Variants in JAKMIP3 observed in about 807,000 individuals in gnomAD.
The protein encoded by JAKMIP3 is Janus kinase and microtubule interacting protein 3, also known as janus kinase and microtubule-interacting protein 3.
JAKMIP3 carries 58 observed loss-of-function variants against 118.5 expected under a neutral mutation model. That is an observed-to-expected ratio of 0.49 (90% CI 0.40 to 0.61). The LOEUF is 0.61. Ranked by LOEUF, JAKMIP3 falls within the 20% of genes least tolerant of loss-of-function variation. The pLI is 0.00. For missense variants in JAKMIP3, 950 were observed against 1,109.0 expected, an observed-to-expected ratio of 0.86 and a Z score of 2.04; for synonymous variants, 486 against 451.2, an observed-to-expected ratio of 1.08 and a Z score of -0.98.
intron 1 of JAKMIP3, among the ~76,000 whole-genome samples, chr10:132,045,142 G>A (rs1392404311): frequency 4.6e-5 from 7 of 152,078 alleles, no homozygotes; most frequent in Non-Finnish European, 1.0e-4. Flanking sequence ...CACCAGCCGT[G>A]CACGAGCGTT....
intron 17 of JAKMIP3, 126 bp downstream of exon 17, chr10:132,153,149 C>A (rs1404315357): frequency 1.4e-6 from 1 of 707,886 alleles, no homozygotes; most frequent in Non-Finnish European, 2.5e-6. Context: ...TCCACTAAGC[C>A]CCGTCTGCCC....
At chr10:132,153,505 C>T (rs1000824291) in intron 17 of JAKMIP3, among the ~76,000 whole-genome samples, 7 of 151,562 alleles carry the variant, frequency 4.6e-5, no homozygotes, top group East Asian at 2.0e-4. Context: ...GTCTCTCCTA[C>T]GGTGCCCCAA....
intron 2 of JAKMIP3, among the ~76,000 whole-genome samples, chr10:132,109,652 T>C (rs1742079250): frequency 6.6e-6 from 1 of 152,132 alleles, no homozygotes; most frequent in African/African-American, 2.4e-5. Context: ...CACCTGGGCT[T>C]TCTCCTCTCC....
chr10:132,156,042 G>GT (rs2136277797), intron 19 of JAKMIP3, among the ~76,000 whole-genome samples: 1 of 152,288 alleles, frequency 6.6e-6, no homozygotes, highest in Admixed American at 6.5e-5. Context: ...CTGGAAGTAG[G>GT]TGGTCACTTG....
chr10:132,090,467 G>A (rs1017890996), intron 1 of JAKMIP3, among the ~76,000 whole-genome samples: 35 of 152,154 alleles, frequency 2.3e-4, no homozygotes, highest in Admixed American at 1.8e-3. Flanking sequence ...GAATTCATCC[G>A]TTTCTTCTAG....
At position 132,049,106 on chromosome 10, in the gene JAKMIP3, CCTTGAGGATTTTAT is replaced by C; in HGVS notation, c.-138+12372_-138+12385del. Reference sequence around the variant, plus strand: ...GTTAATTGACCTTTTTGCCTGGAAGCCTTGAGGATTTTATCTTTAGCTCTGAAATGGAATAGTTT... The same window carrying C: ...GTTAATTGACCTTTTTGCCTGGAAGCCTTTAGCTCTGAAATGGAATAGTTT... On this transcript the variant is annotated intron_variant, in intron 1 of 23. Coordinates refer to the JAKMIP3 transcript ENST00000657785. The surrounding 1 kb of genome is among the most constrained non-coding windows in gnomAD (Gnocchi z 4.3). 6.6e-6 allele frequency among the ~76,000 whole-genome samples: 1 copy of C among 152,144 alleles called. No homozygotes were observed. Among genetic ancestry groups the C allele is most frequent in the Non-Finnish European group, 1.5e-5 (1 of 68,032 alleles).
In JAKMIP3 at chr10:132,105,886, C is replaced by T. The variant is rs182317201; in HGVS notation, c.135+943C>T. Among the ~76,000 whole-genome samples, 937 of 149,820 alleles carry T rather than the reference C, an allele frequency of 6.3e-3. 4 individuals are homozygous for T. The highest frequency in any genetic ancestry group is 9.3e-3 in the Non-Finnish European group (625 of 67,340). On this transcript the variant is annotated intron_variant, in intron 2 of 23. Transcript: ENST00000684848. Reference sequence around the variant, plus strand: ...CCCATCAAAGGCATCTCTCTTGGGACCTGCATGGTCTGGCGGTGGAGGGGA... The same window carrying T: ...CCCATCAAAGGCATCTCTCTTGGGATCTGCATGGTCTGGCGGTGGAGGGGA...
chr10:132,180,893 ATG>A (rs1278465787), intron 23 of JAKMIP3, among the ~76,000 whole-genome samples: 8 of 151,644 alleles, frequency 5.3e-5, no homozygotes, highest in African/African-American at 1.7e-4. Flanking sequence ...ATGTATGTGT[ATG>A]TGTTGTGCAT....
Position 132,117,355 on chromosome 10 carries a change from G to A in JAKMIP3, c.414G>A (p.Glu138=), listed in dbSNP as rs760600589. 3 of 1,614,020 alleles carry A rather than the reference G, an allele frequency of 1.9e-6. No homozygotes were observed. Among genetic ancestry groups the A allele is most frequent in the Non-Finnish European group, 1.7e-6 (2 of 1,179,902 alleles). Residue 138 remains glutamate (E), a synonymous_variant, in exon 3 of 24, where the codon GAG becomes GAA. Transcript: ENST00000684848. This position sits in a 1 kb window ranked among gnomAD's most constrained non-coding sequence, Gnocchi z 8.6. ...AGGTCAAGACCGTGCTGCTGTCCGAGGCCAAGGAGGAGGCCAAGAAGGGGT... is the reference window on the plus strand; with the variant it reads ...AGGTCAAGACCGTGCTGCTGTCCGAAGCCAAGGAGGAGGCCAAGAAGGGGT... ...PEKVKTVLLS[E]AKEEAKKGFE...
chr10:132,136,137 T>G, intron 6 of JAKMIP3, 61 bp downstream of exon 6: 7 of 1,560,078 alleles, frequency 4.5e-6, no homozygotes, highest in Non-Finnish European at 6.1e-6. Flanking sequence ...CAGCATCTCC[T>G]CCCTTCTCCA....
chr10:132,117,346 G>A lies in JAKMIP3; in HGVS notation c.405G>A (p.Leu135=), dbSNP rs2047845124. ...GCCCCGAAAAGGTCAAGACCGTGCT[G>A]CTGTCCGAGGCCAAGGAGGAGGCCA... ...DGGPEKVKTV[L]LSEAKEEAKK... Residue 135 remains leucine, a synonymous_variant, in exon 3 of 24, where the codon CTG becomes CTA. Coordinates refer to ENST00000684848, the MANE Select transcript of JAKMIP3 (RefSeq NM_001323087.2). This position sits in a 1 kb window ranked among gnomAD's most constrained non-coding sequence, Gnocchi z 8.6. The A allele has an allele frequency of 6.2e-7, 1 of 1,613,864 alleles. No individual in the cohort carries two copies. The highest frequency in any genetic ancestry group is 1.3e-5 in the African/African-American group (1 of 74,930).
intron 1 of JAKMIP3, among the ~76,000 whole-genome samples, chr10:132,042,368 C>T (rs1413492879): frequency 6.6e-6 from 1 of 152,134 alleles, no homozygotes; most frequent in Non-Finnish European, 1.5e-5. Flanking sequence ...TGCACCACCA[C>T]GCCTGGCTAA....
intron 13 of JAKMIP3, among the ~76,000 whole-genome samples, chr10:132,146,072 G>T (rs1209206510): frequency 2.6e-5 from 4 of 152,136 alleles, no homozygotes; most frequent in Non-Finnish European, 4.4e-5. Flanking sequence ...CACCTGGCAG[G>T]CCCAGGTCCA....
chr10:132,157,697 C>T (rs2057263188), intron 19 of JAKMIP3, among the ~76,000 whole-genome samples: 1 of 152,210 alleles, frequency 6.6e-6, no homozygotes, highest in Non-Finnish European at 1.5e-5. Flanking sequence ...TGTTTGTAAC[C>T]TTTCCCACCT....
rs1378268540 is a variant in JAKMIP3 at position 132,112,403 on chromosome 10, G to A, written c.136-4674G>A. ...GGAAGCCCAGAGAGGGCAGCGAGGA[G>A]GCCATACTCTTGGACTTCACCCACC... On this transcript the variant is annotated intron_variant, in intron 2 of 23. Coordinates refer to ENST00000684848, the MANE Select transcript of JAKMIP3 (RefSeq NM_001323087.2). This position sits in a 1 kb window ranked among gnomAD's most constrained non-coding sequence, Gnocchi z 4.3. Among the ~76,000 whole-genome samples the A allele has an allele frequency of 6.6e-6, 1 of 152,186 alleles. No homozygotes were observed. Among genetic ancestry groups the A allele is most frequent in the Non-Finnish European group, 1.5e-5 (1 of 68,032 alleles).
intron 19 of JAKMIP3, 68 bp from the exon 20 acceptor site, chr10:132,163,141 G>C (rs138786480): frequency 6.9e-7 from 1 of 1,454,632 alleles, no homozygotes; most frequent in East Asian, 2.5e-5. Context: ...CCCGGCCTCC[G>C]TTGCCCTTCC....
chr10:132,042,507 G>A (rs753322332), intron 1 of JAKMIP3, among the ~76,000 whole-genome samples: 33 of 152,172 alleles, frequency 2.2e-4, no homozygotes, highest in Non-Finnish European at 4.4e-4. Flanking sequence ...GGCGCCTGCT[G>A]TGTTTCTCTT....
intron 23 of JAKMIP3, among the ~76,000 whole-genome samples, chr10:132,180,788 T>TGTGTGTGTGCGTGTGCGTGTGTGCGTGC: frequency 9.3e-5 from 1 of 10,730 alleles, no homozygotes; most frequent in South Asian, 3.5e-3. Flanking sequence ...TGTGTGCGCG[T>TGTGTGTGTGCGTGTGCGTGTGTGCGTGC]ATGCATGTGC....
chr10:132,106,181 TGG>T (rs1218257497), intron 2 of JAKMIP3, among the ~76,000 whole-genome samples: 3 of 147,440 alleles, frequency 2.0e-5, no homozygotes, highest in African/African-American at 7.7e-5. Flanking sequence ...CAAAAAAAAA[TGG>T]ACACATTACG....
Sources: gnomAD v4.1 joint callset for allele counts (sites outside exome capture counted in the v4.1 genomes callset) on GRCh38, gnomAD v4.1.1 for gene constraint, Gnocchi (gnomAD v3.1) non-coding constraint, MANE v1.5 for transcripts, NCBI Gene and HGNC (gene_info 2026-07-23, HGNC 2026-07-21) for gene names.